The following ST3GAL3 variants were observed in gnomAD, a reference collection of about 807,000 sequenced individuals.
ST3GAL3 encodes the protein CMP-N-acetylneuraminate-beta-1,4-galactoside alpha-2,3-sialyltransferase.
Under a neutral mutation model 50.1 loss-of-function variants are expected in ST3GAL3, and 21 were observed. The ratio of observed to expected loss-of-function variants is 0.42; its 90% CI spans 0.30 to 0.60. The LOEUF is 0.60. ST3GAL3 is among the 20% of genes least tolerant of loss of function. ST3GAL3 has a pLI of 0.19. For synonymous variants in ST3GAL3, 183 were observed against 190.0 expected (o/e 0.96, Z 0.30); for missense variants, 353 against 489.4 (o/e 0.72, Z 2.63).
intron 4 of ST3GAL3, chr1:43,824,639 A>G: frequency 6.6e-7 from 1 of 1,505,082 alleles, no homozygotes; most frequent in Non-Finnish European, 9.2e-7. Context: ...CATGACATCT[A>G]GCATTTTTCA....
At chr1:43,898,185 A>T in intron 6 of ST3GAL3, 50 bp from the exon 7 acceptor site, 7 of 1,592,670 alleles carry the variant, frequency 4.4e-6, no homozygotes, top group Non-Finnish European at 6.0e-6. Context: ...TAAACATTTT[A>T]TAGAAAGGTA....
In ST3GAL3 at chr1:43,899,794, G is replaced by C; in HGVS notation, c.744+67G>C. 6.9e-7 allele frequency: 1 copy of C among 1,447,846 alleles called. No individual in the cohort carries two copies. 89.7% of individuals were successfully genotyped at this position (1,447,846 alleles called of 1,614,324 possible). A position where few individuals can be genotyped will look rare whatever the true frequency, so the allele number is the denominator to read the frequency against. On this transcript the variant is annotated intron_variant, in intron 9 of 11. Transcript: ENST00000347631. The surrounding 1 kb of genome is among the most constrained non-coding windows in gnomAD (Gnocchi z 5.4). ...GCTTCCGCAACTCCTAAGCAATCCCGCCCCTTGAATGCAGCAAAGAACGAG... is the reference window on the plus strand; with the variant it reads ...GCTTCCGCAACTCCTAAGCAATCCCCCCCCTTGAATGCAGCAAAGAACGAG...
At chr1:43,917,623 T>TATA (rs2082233283) in intron 9 of ST3GAL3, among the ~76,000 whole-genome samples, 1 of 77,506 alleles carries the variant, frequency 1.3e-5, no homozygotes, top group Admixed American at 2.2e-4. Flanking sequence ...TATATTATAT[T>TATA]ATATATAATA....
At chr1:43,908,278 C>A (rs1403584801) in intron 9 of ST3GAL3, among the ~76,000 whole-genome samples, 1 of 152,164 alleles carries the variant, frequency 6.6e-6, no homozygotes, top group East Asian at 1.9e-4. Flanking sequence ...CTCTCCAATC[C>A]CTTCTCTATG....
chr1:43,894,697 T>C (rs2077139003), intron 6 of ST3GAL3, among the ~76,000 whole-genome samples: 2 of 151,852 alleles, frequency 1.3e-5, no homozygotes, highest in Admixed American at 6.6e-5. Context: ...TAAAGTGCAG[T>C]GGCATGATCT....
intron 4 of ST3GAL3, among the ~76,000 whole-genome samples, chr1:43,832,580 G>A (rs1573870028): frequency 6.6e-6 from 1 of 152,258 alleles, no homozygotes; most frequent in Middle Eastern, 3.4e-3. Context: ...GACAATGCAA[G>A]CAAGACCCAG....
intron 9 of ST3GAL3, among the ~76,000 whole-genome samples, chr1:43,902,172 G>A (rs879532496): frequency 6.6e-6 from 1 of 152,226 alleles, no homozygotes; most frequent in Non-Finnish European, 1.5e-5. Flanking sequence ...CTCCTGTAGG[G>A]ATGTTTCCAG....
At chr1:43,860,785 T>TA (rs574067557) in intron 5 of ST3GAL3, among the ~76,000 whole-genome samples, 92 of 152,326 alleles carry the variant, frequency 6.0e-4, no homozygotes, top group Middle Eastern at 3.4e-3. Flanking sequence ...CTATGTGGGT[T>TA]ACAGTCACCA....
At chr1:43,914,497 T>G (rs1033824089) in intron 9 of ST3GAL3, 2 of 152,062 alleles carry the variant, frequency 1.3e-5, no homozygotes, top group Non-Finnish European at 2.9e-5. Context: ...CGTTTTGGAG[T>G]CAGGACACCT....
chr1:43,839,645 G>A (rs186818618), intron 5 of ST3GAL3: 32 of 152,310 alleles, frequency 2.1e-4, no homozygotes, highest in Admixed American at 1.5e-3. Context: ...GTATTAGGCC[G>A]TTCTTGCATG....
At chr1:43,739,422 C>CT (rs1679884566) in intron 2 of ST3GAL3, 1 of 152,044 alleles carries the variant, frequency 6.6e-6, no homozygotes, top group African/African-American at 2.4e-5. Flanking sequence ...TCCACGTTGC[C>CT]TAGGCTGGTC....
intron 11 of ST3GAL3, among the ~76,000 whole-genome samples, chr1:43,926,802 C>A (rs902771959): frequency 6.6e-6 from 1 of 151,912 alleles, no homozygotes; most frequent in African/African-American, 2.4e-5. Context: ...GGTGGCATTG[C>A]CGGATCCAAG....
At chr1:43,865,527 T>G (rs1488650542) in intron 5 of ST3GAL3, among the ~76,000 whole-genome samples, 1 of 152,204 alleles carries the variant, frequency 6.6e-6, no homozygotes, top group Non-Finnish European at 1.5e-5. Context: ...GGCACCATGC[T>G]GGGTACTAAG....
chr1:43,781,912 A>G (rs1014263254), intron 2 of ST3GAL3, among the ~76,000 whole-genome samples: 2 of 152,190 alleles, frequency 1.3e-5, no homozygotes, highest in Non-Finnish European at 2.9e-5. Context: ...CCAGTTACCC[A>G]TAATACTTCA....
intron 3 of ST3GAL3, among the ~76,000 whole-genome samples, chr1:43,798,091 C>T (rs2058890222): frequency 6.6e-6 from 1 of 152,140 alleles, no homozygotes; most frequent in Admixed American, 6.5e-5. Context: ...CCCCATCTAC[C>T]CAACTGAAAG....
intron 5 of ST3GAL3, among the ~76,000 whole-genome samples, chr1:43,856,399 A>C (rs2068384865): frequency 6.6e-6 from 1 of 152,216 alleles, no homozygotes; most frequent in Admixed American, 6.5e-5. Context: ...TCATAGTAGC[A>C]CAGAGCCAGG....
intron 5 of ST3GAL3, among the ~76,000 whole-genome samples, chr1:43,844,047 T>C (rs2065844679): frequency 1.3e-5 from 2 of 152,230 alleles, no homozygotes; most frequent in South Asian, 4.1e-4. Flanking sequence ...GGGAAACTTA[T>C]GTTTATCCAT....
intron 5 of ST3GAL3, among the ~76,000 whole-genome samples, chr1:43,854,755 G>A (rs1176229624): frequency 6.6e-6 from 1 of 152,238 alleles, no homozygotes; most frequent in African/African-American, 2.4e-5. Context: ...ATCAGCCTAT[G>A]TTCTTATTTC....
chr1:43,805,027 G>A (rs1290100105), intron 3 of ST3GAL3, among the ~76,000 whole-genome samples: 1 of 152,190 alleles, frequency 6.6e-6, no homozygotes, highest in Non-Finnish European at 1.5e-5. Flanking sequence ...TGGGTGCAGA[G>A]GTGAGCCCTG....
Sources: gnomAD v4.1 joint callset for allele counts (sites outside exome capture counted in the v4.1 genomes callset) on GRCh38, gnomAD v4.1.1 for gene constraint, Gnocchi (gnomAD v3.1) non-coding constraint, MANE v1.5 for transcripts, NCBI Gene and HGNC (gene_info 2026-07-23, HGNC 2026-07-21) for gene names.